The following ZFHX3 variants were observed in gnomAD, a reference collection of about 807,000 sequenced individuals.
The protein encoded by ZFHX3 is zinc finger homeobox 3.
In ZFHX3, 42 loss-of-function variants were observed where a neutral mutation model predicts 279.1. The observed-to-expected ratio is 0.15, with a 90% CI of 0.12 to 0.19. The LOEUF is 0.19. Ranked by LOEUF, ZFHX3 falls within the 10% of genes least tolerant of loss-of-function variation. The pLI, the probability that ZFHX3 is intolerant of heterozygous loss-of-function variation, is 1.00. For missense variants in ZFHX3, 4,981 were observed against 4,754.0 expected, an observed-to-expected ratio of 1.05 and a Z score of -1.40; for synonymous variants, 2,293 against 1,957.8, an observed-to-expected ratio of 1.17 and a Z score of -4.52.
At chr16:73,486,928 G>T (rs1485899625) in intron 2 of ZFHX3, 5 of 447,136 alleles carry the variant, frequency 1.1e-5, no homozygotes, top group African/African-American at 2.0e-5. Flanking sequence ...TCCACTGTAA[G>T]GCCAAGGCAA....
At chr16:73,548,689 G>T (rs1014902034) in intron 2 of ZFHX3, among the ~76,000 whole-genome samples, 1 of 151,620 alleles carries the variant, frequency 6.6e-6, no homozygotes, top group Non-Finnish European at 1.5e-5. Context: ...TATATACAAC[G>T]TATTCACTCC....
rs2035352701 is a variant in ZFHX3, at chr16:72,785,977, T to TTTAG, written c.*1183_*1186dup. 1 of 152,340 alleles carries TTTAG rather than the reference T, an allele frequency of 6.6e-6. No individual in the cohort carries two copies. The highest frequency in any genetic ancestry group is 2.4e-5 in the African/African-American group (1 of 41,556). 9.4% of individuals were successfully genotyped at this position (152,340 alleles called of 1,614,324 possible). ...CCCTAGAATCCCTTGAAATTCTTTC[T>TTTAG]TTAGTTTTATAAAATAATTCTGCAG... On this transcript the variant is annotated 3_prime_UTR_variant, in exon 10 of 10. Coordinates refer to ENST00000268489, the MANE Select transcript of ZFHX3 (RefSeq NM_006885.4).
intron 7 of ZFHX3, among the ~76,000 whole-genome samples, chr16:72,809,107 CT>C (rs2036358874): frequency 6.6e-6 from 1 of 152,138 alleles, no homozygotes; most frequent in Non-Finnish European, 1.5e-5. Context: ...ATTTACCTTG[CT>C]ATTGCTATTA....
At chr16:73,745,804 G>A (rs1432979241) in intron 1 of ZFHX3, among the ~76,000 whole-genome samples, 6 of 152,150 alleles carry the variant, frequency 3.9e-5, no homozygotes, top group Non-Finnish European at 5.9e-5. Flanking sequence ...CTCTGATTAT[G>A]TCTCTGGTGT....
At chr16:73,730,578 C>G (rs2053561960) in intron 1 of ZFHX3, among the ~76,000 whole-genome samples, 1 of 152,026 alleles carries the variant, frequency 6.6e-6, no homozygotes, top group Non-Finnish European at 1.5e-5. Flanking sequence ...ATATGGTTCC[C>G]GTCTATCTTG....
rs529498637 is a variant in ZFHX3, at chr16:72,785,312, T to G, written c.*1852A>C. The G allele has an allele frequency of 6.6e-5, 10 of 152,534 alleles. No individual in the cohort carries two copies. Among genetic ancestry groups the G allele is most frequent in the African/African-American group, 2.4e-4 (10 of 41,584 alleles). The allele number at this position is 152,534 out of a possible 1,614,324, so 9.4% of individuals were successfully genotyped here. On this transcript the variant is annotated 3_prime_UTR_variant, in exon 10 of 10. Transcript: ENST00000268489. ...AAACAAGTGCCTCACATACAGTTCCTTTTTTGCTTTCTGTACACTGCTATC... is the reference window on the plus strand; with the variant it reads ...AAACAAGTGCCTCACATACAGTTCCGTTTTTGCTTTCTGTACACTGCTATC...
intron 2 of ZFHX3, among the ~76,000 whole-genome samples, chr16:73,533,738 C>A (rs1335251157): frequency 6.6e-6 from 1 of 152,156 alleles, no homozygotes; most frequent in Non-Finnish European, 1.5e-5. Context: ...GCAACTTCAT[C>A]CCTCCATTTG....
rs562158317 is a variant in ZFHX3, at chr16:72,934,818, G to A, written c.3216+15651C>T. ...AAACTGCAGCCGCACATCAGAATCC[G>A]ACAGTAAATGAAACCACAACCTCTG... is the stretch of plus-strand genomic sequence containing the variant. On this transcript the variant is annotated intron_variant, in intron 3 of 9. Coordinates refer to ENST00000268489, the MANE Select transcript of ZFHX3 (RefSeq NM_006885.4). Among the ~76,000 whole-genome samples the A allele has an allele frequency of 1.2e-4, 19 of 152,282 alleles. No homozygotes were observed. In the South Asian group the frequency reaches 2.9e-3, roughly 23 times the overall value.
chr16:72,826,702 T>C (rs1372188547), intron 5 of ZFHX3, among the ~76,000 whole-genome samples: 4 of 152,226 alleles, frequency 2.6e-5, no homozygotes, highest in Admixed American at 1.3e-4. Context: ...CTTCTCTCTT[T>C]ACTATTGTGC....
At chr16:73,845,055 C>A (rs909957990) in intron 1 of ZFHX3, among the ~76,000 whole-genome samples, 36 of 152,228 alleles carry the variant, frequency 2.4e-4, no homozygotes, top group African/African-American at 5.5e-4. Flanking sequence ...TTTTTATAAG[C>A]AGCCATGCAC....
chr16:73,085,308 C>CT (rs1191294034), intron 8 of ZFHX3, among the ~76,000 whole-genome samples: 1 of 152,136 alleles, frequency 6.6e-6, no homozygotes. Flanking sequence ...GTTGCCCGGG[C>CT]TGGAGTGTAA....
At chr16:73,432,006 T>C (rs973490222) in intron 3 of ZFHX3, among the ~76,000 whole-genome samples, 4 of 152,268 alleles carry the variant, frequency 2.6e-5, no homozygotes, top group Admixed American at 2.0e-4. Flanking sequence ...TACCAAGAGG[T>C]TCTTCAGAAC....
At chr16:73,040,899 C>T (rs1397268198) in intron 1 of ZFHX3, among the ~76,000 whole-genome samples, 2 of 152,164 alleles carry the variant, frequency 1.3e-5, no homozygotes, top group Admixed American at 6.5e-5. Context: ...AGAAGTGAGG[C>T]CCAAAGAGGT....
chr16:73,880,834 A>T (rs899312499), intron 1 of ZFHX3, among the ~76,000 whole-genome samples: 1 of 152,160 alleles, frequency 6.6e-6, no homozygotes, highest in Non-Finnish European at 1.5e-5. Flanking sequence ...TTTCAGTCGG[A>T]TAGTAATCTT....
At chr16:73,295,294 T>G (rs973375050) in intron 4 of ZFHX3, among the ~76,000 whole-genome samples, 2 of 152,194 alleles carry the variant, frequency 1.3e-5, no homozygotes, top group African/African-American at 4.8e-5. Context: ...ACTGAGCCAG[T>G]TGGGGGACGA....
rs1229875383 is a variant in ZFHX3 at position 72,957,616 on chromosome 16, G to A, written c.2530C>T (p.His844Tyr). 6 of 1,614,206 alleles carry A rather than the reference G, an allele frequency of 3.7e-6. No homozygotes were observed. The highest frequency in any genetic ancestry group is 5.1e-6 in the Non-Finnish European group (6 of 1,180,044). ...CTGCCGAGGCCCAGGTGGCGGTTGT[G>A]TTGGATCTGGGTCATGTTCTGTTGC... is the stretch of plus-strand genomic sequence containing the variant. ...LLQQNMTQIQ[H>Y]NRHLGLGSLP... Residue 844 changes from histidine to tyrosine, a missense_variant, in exon 2 of 10, where the codon CAC (histidine) becomes TAC (tyrosine). His to Tyr is a moderately conservative substitution (Grantham distance 83). Coordinates refer to ENST00000268489, the MANE Select transcript of ZFHX3 (RefSeq NM_006885.4).
At chr16:73,105,559 C>A (rs1966293811) in intron 7 of ZFHX3, among the ~76,000 whole-genome samples, 1 of 151,622 alleles carries the variant, frequency 6.6e-6, no homozygotes, top group African/African-American at 2.4e-5. Context: ...TCAAGACCCG[C>A]CTGGCCAACA....
intron 2 of ZFHX3, among the ~76,000 whole-genome samples, chr16:73,564,490 C>G (rs1188121435): frequency 6.6e-6 from 1 of 152,194 alleles, no homozygotes; most frequent in Admixed American, 6.5e-5. Flanking sequence ...GTTCCAGCAT[C>G]ACTACATGGG....
intron 5 of ZFHX3, among the ~76,000 whole-genome samples, chr16:73,213,132 A>T (rs1417650642): frequency 6.6e-6 from 1 of 152,148 alleles, no homozygotes; most frequent in Admixed American, 6.5e-5. Flanking sequence ...AAAAGGTATG[A>T]TGAGAGAGGG....
Sources: gnomAD v4.1 joint callset for allele counts (sites outside exome capture counted in the v4.1 genomes callset) on GRCh38, gnomAD v4.1.1 for gene constraint, MANE v1.5 for transcripts, NCBI Gene and HGNC (gene_info 2026-07-23, HGNC 2026-07-21) for gene names.